Variants in SIRPA observed in about 807,000 individuals in gnomAD.
The protein encoded by SIRPA is signal regulatory protein alpha, also known as tyrosine-protein phosphatase non-receptor type substrate 1.
A neutral mutation model predicts 50.3 loss-of-function variants in SIRPA; 9 were observed. The ratio of observed to expected loss-of-function variants is 0.18; its 90% CI spans 0.11 to 0.31. The LOEUF is 0.31. Ranked by LOEUF, SIRPA falls within the 10% of genes least tolerant of loss-of-function variation. The pLI is 1.00. For missense variants in SIRPA, 474 were observed against 661.6 expected, an observed-to-expected ratio of 0.72 and a Z score of 3.11; for synonymous variants, 265 against 284.1, an observed-to-expected ratio of 0.93 and a Z score of 0.68.
rs573686249 is a variant in SIRPA at position 1,915,105 on chromosome 20, C to T, written c.86C>T (p.Ala29Val). The change falls in exon 2 of 8, where the codon GCG becomes GTG. Residue 29 changes from alanine (A) to valine (V), a missense_variant. Around this residue, in one of 4 missense-constraint regions of SIRPA, gnomAD observed 72 missense variants for 76.2 expected, o/e 0.94. Coordinates refer to ENST00000358771, the MANE Select transcript of SIRPA (RefSeq NM_001040023.2). ...GCTTTGTGCTCCTTTCCAGGAGTGG[C>T]GGGTGAGGAGGAGCTGCAGGTGATT... ...LAASCAWSGV[A>V]GEEELQVIQP... The T allele has an allele frequency of 1.1e-5, 18 of 1,594,270 alleles. No homozygotes were observed. Among genetic ancestry groups the T allele is most frequent in the South Asian group, 3.4e-5 (3 of 88,000 alleles).
At chr20:1,901,649 A>AT (rs755231646) in intron 1 of SIRPA, among the ~76,000 whole-genome samples, 7 of 152,108 alleles carry the variant, frequency 4.6e-5, no homozygotes, top group Non-Finnish European at 1.0e-4. Context: ...CACGAGATGG[A>AT]TTTTCCCTGC....
rs745958149 is a variant in SIRPA at position 1,918,360 on chromosome 20, C to CCTTTTTTTTTTTTTT, written c.436+2905_436+2906insCTTTTTTTTTTTTTT. Among the ~76,000 whole-genome samples the CCTTTTTTTTTTTTTT allele has an allele frequency of 7.3e-5, 7 of 95,686 alleles. 1 individual carries two copies. Among genetic ancestry groups the CCTTTTTTTTTTTTTT allele is most frequent in the Non-Finnish European group, 1.0e-4 (5 of 49,064 alleles). 62.8% of individuals were successfully genotyped at this position (95,686 alleles called of 152,430 possible). ...ACAGGGGCACCCACCACCACACCAG[C>CCTTTTTTTTTTTTTT]TTTTTTTTTTTTTTTTTTTTTTTGT... is the stretch of plus-strand genomic sequence containing the variant. On this transcript the variant is annotated intron_variant, in intron 2 of 7. Coordinates refer to ENST00000358771, the MANE Select transcript of SIRPA (RefSeq NM_001040023.2).
At chr20:1,913,961 A>G (rs56278099) in intron 1 of SIRPA, among the ~76,000 whole-genome samples, 61,855 of 151,646 alleles carry the variant, frequency 0.41, 12,861 homozygotes, top group East Asian at 0.66. Context: ...TCCTGCAGCC[A>G]ACCTCTACAA....
At chr20:1,931,425 C>G (rs1986292565) in intron 6 of SIRPA, among the ~76,000 whole-genome samples, 1 of 152,202 alleles carries the variant, frequency 6.6e-6, no homozygotes, top group African/African-American at 2.4e-5. Flanking sequence ...CATCACTGTT[C>G]CCATGCTTCT....
At chr20:1,909,128 CA>C (rs527492898) in intron 1 of SIRPA, among the ~76,000 whole-genome samples, 71 of 152,350 alleles carry the variant, frequency 4.7e-4, no homozygotes, top group Non-Finnish European at 7.1e-4. Flanking sequence ...GGTATCACTG[CA>C]GCCACTTTAG....
intron 2 of SIRPA, among the ~76,000 whole-genome samples, chr20:1,918,422 G>A (rs941293236): frequency 2.2e-4 from 31 of 141,732 alleles, no homozygotes; most frequent in Admixed American, 6.0e-4. Context: ...ATGTTGGCCC[G>A]GCTGGTCCCA....
chr20:1,921,334 A>G, intron 2 of SIRPA, 61 bp from the exon 3 acceptor site: 2 of 1,609,394 alleles, frequency 1.2e-6, no homozygotes, highest in Non-Finnish European at 1.7e-6. Context: ...CGTGTCACAC[A>G]CTTATCGTTA....
chr20:1,915,279 T>TC lies in SIRPA; in HGVS notation c.265dup (p.Arg89ProfsTer22), dbSNP rs1483558092. ...ATCTACAATCAAAAAGAAGGCCACT[T>TC]CCCCCGGGTAACAACTGTTTCAGAC... On this transcript the variant is annotated frameshift_variant, in exon 2 of 8. Coordinates refer to ENST00000358771, the MANE Select transcript of SIRPA (RefSeq NM_001040023.2). LOFTEE classifies it high-confidence loss of function. 6.2e-7 allele frequency: 1 copy of TC among 1,612,844 alleles called. No individual in the cohort carries two copies. The highest frequency in any genetic ancestry group is 8.5e-7 in the Non-Finnish European group (1 of 1,179,736).
At chr20:1,901,163 CTTTTTTTT>C (rs869181595) in intron 1 of SIRPA, among the ~76,000 whole-genome samples, 6 of 78,888 alleles carry the variant, frequency 7.6e-5, no homozygotes, top group East Asian at 5.7e-4. Flanking sequence ...TTCTTTCTTT[CTTTTTTTT>C]TTTTTTTTTT....
upstream of SIRPA, among the ~76,000 whole-genome samples, chr20:1,895,069 G>GGGT (rs1983688710): frequency 1.3e-5 from 2 of 150,928 alleles, no homozygotes; most frequent in Admixed American, 6.6e-5. Flanking sequence ...CGGTCTGCGC[G>GGGT]CCGCCTCGCT....
At chr20:1,935,382 C>T (rs1461035226) in intron 7 of SIRPA, among the ~76,000 whole-genome samples, 1 of 152,248 alleles carries the variant, frequency 6.6e-6, no homozygotes, top group Non-Finnish European at 1.5e-5. Flanking sequence ...CATCTTGTAA[C>T]AAGACAGGCC....
intron 1 of SIRPA, among the ~76,000 whole-genome samples, chr20:1,913,138 G>A (rs4813321): frequency 0.41 from 61,948 of 151,864 alleles, 12,886 homozygotes; most frequent in East Asian, 0.66. Context: ...AGCAGTTGAG[G>A]TCTTAAGTGG....
intron 1 of SIRPA, among the ~76,000 whole-genome samples, chr20:1,910,575 C>T (rs965488127): frequency 1.3e-5 from 2 of 152,176 alleles, no homozygotes; most frequent in African/African-American, 4.8e-5. Context: ...CTGTGCCAAC[C>T]ACAGTAGCAG....
intron 1 of SIRPA, among the ~76,000 whole-genome samples, chr20:1,911,072 A>G (rs888294697): frequency 1.3e-5 from 2 of 152,214 alleles, no homozygotes; most frequent in Non-Finnish European, 2.9e-5. Context: ...ACTTGGTAAC[A>G]GACTCTGATC....
intron 2 of SIRPA, among the ~76,000 whole-genome samples, 175 bp downstream of exon 2, chr20:1,915,630 T>A (rs1985234370): frequency 6.6e-6 from 1 of 152,248 alleles, no homozygotes; most frequent in Admixed American, 6.5e-5. Context: ...TGCTATTTGC[T>A]GAAGGCTCCA....
At chr20:1,910,238 C>T (rs1260354917) in intron 1 of SIRPA, among the ~76,000 whole-genome samples, 5 of 152,174 alleles carry the variant, frequency 3.3e-5, no homozygotes, top group Admixed American at 2.6e-4. Context: ...CAGCACTGAC[C>T]GCACTTGCTG....
At chr20:1,926,389 C>T (rs912526361) in intron 5 of SIRPA, among the ~76,000 whole-genome samples, 5 of 152,268 alleles carry the variant, frequency 3.3e-5, no homozygotes, top group African/African-American at 1.2e-4. Flanking sequence ...TCCTGGCCAT[C>T]CTTTCTGAGT....
chr20:1,937,699 G>A lies in SIRPA; in HGVS notation c.*131G>A, dbSNP rs1986672598. 1 of 1,257,864 alleles carries A rather than the reference G, an allele frequency of 7.9e-7. No homozygotes were observed. The highest frequency in any genetic ancestry group is 2.5e-5 in the Admixed American group (1 of 39,856). 77.9% of individuals were successfully genotyped at this position (1,257,864 alleles called of 1,614,324 possible). On this transcript the variant is annotated 3_prime_UTR_variant, in exon 8 of 8. Coordinates refer to ENST00000358771, the MANE Select transcript of SIRPA (RefSeq NM_001040023.2). The surrounding 1 kb of genome is among the most constrained non-coding windows in gnomAD (Gnocchi z 8.3). Reference sequence around the variant, plus strand: ...TGCAGGCTCTGGGACCCAGGGGCCAGGGTGGCTCTTCTCTCCCCACCCCTC... The same window carrying A: ...TGCAGGCTCTGGGACCCAGGGGCCAAGGTGGCTCTTCTCTCCCCACCCCTC...
Position 1,939,696 on chromosome 20 carries a change from A to G in SIRPA, c.*2128A>G, listed in dbSNP as rs955031486. On this transcript the variant is annotated 3_prime_UTR_variant, in exon 8 of 8. Coordinates refer to ENST00000358771, the MANE Select transcript of SIRPA (RefSeq NM_001040023.2). This position sits in a 1 kb window ranked among gnomAD's most constrained non-coding sequence, Gnocchi z 4.7. ...GTATAGCTTTAGCTTTAGCCTGGCAACCTGGAGAATCCACATACCTTGTGT... is the reference window on the plus strand; with the variant it reads ...GTATAGCTTTAGCTTTAGCCTGGCAGCCTGGAGAATCCACATACCTTGTGT... 1.3e-5 allele frequency: 2 copies of G among 152,788 alleles called. No individual in the cohort carries two copies. The highest frequency in any genetic ancestry group is 2.1e-4 in the South Asian group (1 of 4,834). The allele number at this position is 152,788 out of a possible 1,614,324, so 9.5% of individuals were successfully genotyped here. A position where few individuals can be genotyped will look rare whatever the true frequency, so the allele number is the denominator to read the frequency against.
Sources: allele counts gnomAD v4.1 joint callset (sites outside exome capture counted in the v4.1 genomes callset), GRCh38; gene constraint gnomAD v4.1.1; regional missense constraint gnomAD v4.1.1; non-coding constraint Gnocchi (gnomAD v3.1); transcripts MANE v1.5; gene names NCBI Gene and HGNC (gene_info 2026-07-23, HGNC 2026-07-21).